IQSEC1: variants seen among roughly 807,000 people sequenced by gnomAD.
IQSEC1 encodes IQ motif and SEC7 domain-containing protein 1.
IQSEC1 carries 31 observed loss-of-function variants against 91.0 expected under a neutral mutation model. That is an observed-to-expected ratio of 0.34 (90% CI 0.26 to 0.46). The LOEUF (loss-of-function observed/expected upper bound fraction) is 0.46, where lower values mean the gene tolerates loss of function less well. Among genes scored for constraint, IQSEC1 ranks in the 20% least tolerant of loss-of-function variants. IQSEC1 has a pLI of 1.00. For synonymous variants in IQSEC1, 699 were observed against 662.6 expected, an observed-to-expected ratio of 1.05 and a Z score of -0.84; for missense variants, 1,388 against 1,575.6, an observed-to-expected ratio of 0.88 and a Z score of 2.02.
At chr3:13,171,110 A>AC (rs1337381478) in intron 1 of IQSEC1, among the ~76,000 whole-genome samples, 315 of 150,760 alleles carry the variant, frequency 2.1e-3, no homozygotes, top group African/African-American at 7.5e-3. Flanking sequence ...AAAAAAACAA[A>AC]AAAAACAAAA....
chr3:13,207,656 G>C lies in IQSEC1; in HGVS notation c.273-43523C>G, dbSNP rs1056246893. 6.6e-6 allele frequency among the ~76,000 whole-genome samples: 1 copy of C among 152,142 alleles called. No homozygotes were observed. The highest frequency in any genetic ancestry group is 6.5e-5 in the Admixed American group (1 of 15,276). ...AGGCTCCTCACTTGTCCCCACCCCA[G>C]AGCCTCTGCACCCAGGGCTCCTTCG... On this transcript the variant is annotated intron_variant, in intron 1 of 15. Transcript: ENST00000648114. The surrounding 1 kb of genome is among the most constrained non-coding windows in gnomAD (Gnocchi z 4.8).
rs187757702 is a variant in IQSEC1 at position 13,184,098 on chromosome 3, T to C, written c.273-19965A>G. Among the ~76,000 whole-genome samples, 242 of 152,312 alleles carry C rather than the reference T, an allele frequency of 1.6e-3. 2 individuals are homozygous for C. The highest frequency in any genetic ancestry group is 3.1e-4 in the Non-Finnish European group (21 of 68,016). ...TGAATTCAAACAAGTGAAGAAGAGA[T>C]AACACCAATTCTACACAAACTTTTC... On this transcript the variant is annotated intron_variant, in intron 1 of 15. Coordinates refer to the IQSEC1 transcript ENST00000648114.
chr3:13,261,459 C>T (rs897977106), intron 1 of IQSEC1, among the ~76,000 whole-genome samples: 1 of 152,136 alleles, frequency 6.6e-6, no homozygotes, highest in African/African-American at 2.4e-5. Context: ...GTGCTGTGCC[C>T]GAGAGCTCCC....
chr3:13,132,710 G>A (rs1175443417), intron 2 of IQSEC1, among the ~76,000 whole-genome samples: 1 of 152,168 alleles, frequency 6.6e-6, no homozygotes, highest in Non-Finnish European at 1.5e-5. Flanking sequence ...GATGTCCAGG[G>A]TGTTGAAAAC....
At position 12,901,500 on chromosome 3, in the gene IQSEC1, T is replaced by C. The variant is rs1386382158; in HGVS notation, c.2828A>G (p.His943Arg). 2 of 1,549,824 alleles carry C rather than the reference T, an allele frequency of 1.3e-6. No homozygotes were observed. Among genetic ancestry groups the C allele is most frequent in the Non-Finnish European group, 1.7e-6 (2 of 1,146,878 alleles). The change falls in exon 14 of 14, where the codon CAC (histidine) becomes CGC (arginine). Residue 943 changes from histidine (H) to arginine (R), a missense_variant. Coordinates refer to ENST00000613206, the MANE Select transcript of IQSEC1 (RefSeq NM_001134382.3). ...TGTTGATGTAGCTCTCCGGCGCATG[T>C]GAGGACTGCTAATGATGGACCCCTA... ...NVEGSIISSP[H>R]MRRRATSTRE...
Position 12,900,753 on chromosome 3 carries a change from T to C in IQSEC1, c.*230A>G. On this transcript the variant is annotated 3_prime_UTR_variant, in exon 14 of 14. Coordinates refer to ENST00000613206, the MANE Select transcript of IQSEC1 (RefSeq NM_001134382.3). ...ATGGTGTCTGAGGCCCACCCATCCC[T>C]CAGACTGAGGTGAGCAGAGCCCAGG... The C allele has an allele frequency of 7.0e-7, 1 of 1,424,012 alleles. No individual in the cohort carries two copies. The highest frequency in any genetic ancestry group is 2.9e-5 in the Admixed American group (1 of 34,004). The allele number at this position is 1,424,012 out of a possible 1,614,324, so 88.2% of individuals were successfully genotyped here.
At chr3:13,099,046 G>C (rs1316724865) in intron 2 of IQSEC1, among the ~76,000 whole-genome samples, 2 of 152,186 alleles carry the variant, frequency 1.3e-5, no homozygotes, top group African/African-American at 2.4e-5. Flanking sequence ...TCGGGGGATG[G>C]GGGGAACAGG....
At chr3:13,258,532 A>G (rs1443150944) in intron 1 of IQSEC1, among the ~76,000 whole-genome samples, 1 of 152,124 alleles carries the variant, frequency 6.6e-6, no homozygotes, top group Non-Finnish European at 1.5e-5. Flanking sequence ...ATTATTTTAA[A>G]AAAATTAGCC....
At chr3:13,243,185 G>A (rs1695049130) in intron 1 of IQSEC1, among the ~76,000 whole-genome samples, 2 of 152,162 alleles carry the variant, frequency 1.3e-5, no homozygotes, top group South Asian at 4.1e-4. Flanking sequence ...GCTTGGCCAG[G>A]CCCACAGCCC....
chr3:12,950,624 T>C (rs1699478180), intron 1 of IQSEC1, among the ~76,000 whole-genome samples: 1 of 151,112 alleles, frequency 6.6e-6, no homozygotes, highest in African/African-American at 2.4e-5. Flanking sequence ...CTGGATAACA[T>C]AATGAGACTC....
intron 1 of IQSEC1, among the ~76,000 whole-genome samples, chr3:12,964,855 T>C (rs1700462661): frequency 6.6e-6 from 1 of 152,188 alleles, no homozygotes; most frequent in African/African-American, 2.4e-5. Flanking sequence ...ACACATATAC[T>C]GAGCTCCTGC....
At chr3:13,050,840 T>C (rs1336816047) in intron 1 of IQSEC1, among the ~76,000 whole-genome samples, 2 of 152,232 alleles carry the variant, frequency 1.3e-5, no homozygotes. Flanking sequence ...CCTTATATTG[T>C]ATTATATTAC....
chr3:13,244,440 T>G (rs1576308366), intron 1 of IQSEC1, among the ~76,000 whole-genome samples: 3 of 152,324 alleles, frequency 2.0e-5, no homozygotes, highest in East Asian at 3.9e-4. Context: ...TGATTGTCGG[T>G]ATATGTAATT....
intron 1 of IQSEC1, among the ~76,000 whole-genome samples, chr3:12,978,879 C>A (rs1445735715): frequency 6.6e-6 from 1 of 152,136 alleles, no homozygotes; most frequent in Non-Finnish European, 1.5e-5. Context: ...GGATTTGTGG[C>A]ATGAATGGGA....
chr3:13,089,808 T>C lies in IQSEC1; in HGVS notation c.303-42286A>G, dbSNP rs554443512. ...TAGGGAGTATGTGGACGGCTGCGAA[T>C]GGGTATGGAGTTTCTGCCTGGAGTG... On this transcript the variant is annotated intron_variant, in intron 2 of 15. Transcript: ENST00000648114. Among the ~76,000 whole-genome samples the C allele has an allele frequency of 2.0e-5, 3 of 152,316 alleles. 1 individual carries two copies. The highest frequency in any genetic ancestry group is 2.0e-4 in the Admixed American group (3 of 15,304).
chr3:13,260,391 C>T (rs1458711581), intron 1 of IQSEC1, among the ~76,000 whole-genome samples: 1 of 152,212 alleles, frequency 6.6e-6, no homozygotes, highest in Non-Finnish European at 1.5e-5. Context: ...CAATACACGA[C>T]GGGCTGATGT....
intron 1 of IQSEC1, among the ~76,000 whole-genome samples, chr3:13,027,346 G>A (rs1187566500): frequency 1.3e-5 from 2 of 152,214 alleles, no homozygotes; most frequent in African/African-American, 4.8e-5. Flanking sequence ...GGCAGGAGCT[G>A]GGAAAGAAGG....
intron 1 of IQSEC1, among the ~76,000 whole-genome samples, chr3:12,960,050 C>G (rs537456703): frequency 1.3e-5 from 2 of 152,192 alleles, no homozygotes; most frequent in Non-Finnish European, 2.9e-5. Flanking sequence ...GCTGCTTCCC[C>G]AAACACTTCC....
intron 2 of IQSEC1, among the ~76,000 whole-genome samples, chr3:13,083,638 C>T (rs1043584622): frequency 6.6e-6 from 1 of 152,258 alleles, no homozygotes; most frequent in Non-Finnish European, 1.5e-5. Flanking sequence ...GGCCTGTGGC[C>T]GCAGGGTCTC....
Sources: allele counts gnomAD v4.1 joint callset (sites outside exome capture counted in the v4.1 genomes callset), GRCh38; gene constraint gnomAD v4.1.1; non-coding constraint Gnocchi (gnomAD v3.1); transcripts MANE v1.5; gene names NCBI Gene and HGNC (gene_info 2026-07-23, HGNC 2026-07-21).